Variants in OLAH observed in about 807,000 individuals in gnomAD.
The protein encoded by OLAH is oleoyl-ACP hydrolase.
OLAH carries 33 observed loss-of-function variants against 27.8 expected under a neutral mutation model. That is an observed-to-expected ratio of 1.19 (90% CI 0.90 to 1.59). OLAH has a LOEUF of 1.59. Ranked by LOEUF, OLAH falls within the 40% of genes most tolerant of loss-of-function variation. The pLI, the probability that OLAH is intolerant of heterozygous loss-of-function variation, is 0.00. For missense variants in OLAH, 359 were observed against 310.8 expected (o/e 1.16, Z -1.17); for synonymous variants, 120 against 102.9 (o/e 1.17, Z -1.01).
intron 3 of OLAH, among the ~76,000 whole-genome samples, chr10:15,052,652 TTTG>T (rs1844166936): frequency 8.2e-6 from 1 of 121,806 alleles, no homozygotes. Context: ...TGCTTCAGAT[TTTG>T]TTATCAAAGA....
chr10:15,055,691 T>G lies in OLAH; in HGVS notation c.163+5926T>G, dbSNP rs577306204. On this transcript the variant is annotated intron_variant, in intron 3 of 7. Coordinates refer to ENST00000378228, the MANE Select transcript of OLAH (RefSeq NM_001039702.3). ...TTTAAACAAGTTTTCAAATAGTAGA[T>G]CTATAAAAATGTATACCATAAACTT... Among the ~76,000 whole-genome samples the G allele has an allele frequency of 6.8e-4, 104 of 152,260 alleles. 1 individual carries two copies. The highest frequency in any genetic ancestry group is 2.4e-3 in the African/African-American group (99 of 41,550).
At chr10:15,067,815 C>G (rs1185621248) in intron 6 of OLAH, among the ~76,000 whole-genome samples, 1 of 152,164 alleles carries the variant, frequency 6.6e-6, no homozygotes. Context: ...TCTCTTTCCC[C>G]ATCACTACCA....
chr10:15,063,681 G>A (rs566683498), intron 4 of OLAH, among the ~76,000 whole-genome samples: 102 of 152,162 alleles, frequency 6.7e-4, no homozygotes, highest in African/African-American at 2.1e-3. Flanking sequence ...TATATCTGGC[G>A]ATATTTATCA....
At position 15,033,741 on chromosome 10, in the gene OLAH, C is replaced by T. The variant is rs560187727; in HGVS notation, c.-164+1391C>T. ...GGGAAGAAGGCTTTGTCTTTGTCTTCATAGGGTGGAAGAGGAAAGGGCAAA... is the reference window on the plus strand; with the variant it reads ...GGGAAGAAGGCTTTGTCTTTGTCTTTATAGGGTGGAAGAGGAAAGGGCAAA... On this transcript the variant is annotated intron_variant, in intron 1 of 3. Coordinates refer to the OLAH transcript ENST00000413672. 2.0e-5 allele frequency among the ~76,000 whole-genome samples: 3 copies of T among 152,228 alleles called. No individual in the cohort carries two copies. In the South Asian group the frequency reaches 6.2e-4, roughly 32 times the overall value.
At chr10:15,034,625 A>G (rs919599940) in intron 1 of OLAH, among the ~76,000 whole-genome samples, 4 of 152,232 alleles carry the variant, frequency 2.6e-5, no homozygotes, top group South Asian at 2.1e-4. Context: ...GAAGTGGTCT[A>G]TGGCCCAGCC....
chr10:15,032,863 A>G (rs1843780802), intron 1 of OLAH, among the ~76,000 whole-genome samples: 1 of 128,226 alleles, frequency 7.8e-6, no homozygotes, highest in South Asian at 2.9e-4. Context: ...ACACCTATCA[A>G]TAAAGAAAAG....
intron 1 of OLAH, among the ~76,000 whole-genome samples, chr10:15,037,984 C>A (rs12269074): frequency 0.26 from 39,902 of 152,184 alleles, 5,853 homozygotes; most frequent in East Asian, 0.49. Context: ...CAGGTGCTTG[C>A]GAATCTTGGG....
At chr10:15,033,937 T>C (rs1028425942) in intron 1 of OLAH, among the ~76,000 whole-genome samples, 17 of 151,632 alleles carry the variant, frequency 1.1e-4, no homozygotes, top group African/African-American at 3.9e-4. Context: ...GTTCAAACTA[T>C]AGCAGGTAGG....
chr10:15,037,203 C>T (rs1477821346), intron 1 of OLAH, among the ~76,000 whole-genome samples: 1 of 149,440 alleles, frequency 6.7e-6, no homozygotes, highest in Non-Finnish European at 1.5e-5. Flanking sequence ...ACCACTAAAA[C>T]AAGAAAACAA....
intron 3 of OLAH, among the ~76,000 whole-genome samples, chr10:15,056,022 G>A (rs563786972): frequency 1.3e-5 from 2 of 151,884 alleles, no homozygotes; most frequent in African/African-American, 2.4e-5. Context: ...GCTAATTTTT[G>A]TATTTTTAGT....
chr10:15,032,795 G>C (rs568877536), intron 1 of OLAH, among the ~76,000 whole-genome samples: 4 of 152,234 alleles, frequency 2.6e-5, no homozygotes, highest in African/African-American at 9.6e-5. Context: ...GAGAAGTGTG[G>C]TAATGAAATC....
intron 4 of OLAH, among the ~76,000 whole-genome samples, chr10:15,062,787 G>C (rs1844394248): frequency 6.7e-6 from 1 of 148,614 alleles, no homozygotes; most frequent in Non-Finnish European, 1.5e-5. Context: ...CACCCACGCT[G>C]GAGTGCAGTG....
intron 4 of OLAH, 98 bp downstream of exon 4, chr10:15,061,960 G>C: frequency 8.6e-7 from 1 of 1,166,892 alleles, no homozygotes; most frequent in Non-Finnish European, 1.2e-6. Context: ...GCATACCTTT[G>C]TATTGGTTAG....
intron 1 of OLAH, among the ~76,000 whole-genome samples, chr10:15,046,181 A>G (rs1468407563): frequency 1.3e-5 from 2 of 151,976 alleles, no homozygotes; most frequent in African/African-American, 4.8e-5. Flanking sequence ...CCCTGTCTTT[A>G]CTAAAAATAC....
At chr10:15,052,792 G>A (rs1272145219) in intron 3 of OLAH, among the ~76,000 whole-genome samples, 2 of 148,446 alleles carry the variant, frequency 1.3e-5, no homozygotes, top group South Asian at 4.2e-4. Flanking sequence ...CCCCAGGCCG[G>A]AGTGCAGTGG....
intron 4 of OLAH, 84 bp from the exon 5 acceptor site, chr10:15,064,319 A>G: frequency 1.3e-6 from 1 of 747,178 alleles, no homozygotes; most frequent in Non-Finnish European, 2.3e-6. Flanking sequence ...TGTTGTGTTT[A>G]TGATACTGTT....
At chr10:15,054,415 T>TAGAA (rs1844206396) in intron 3 of OLAH, among the ~76,000 whole-genome samples, 1 of 152,234 alleles carries the variant, frequency 6.6e-6, no homozygotes, top group African/African-American at 2.4e-5. Context: ...TTATGCCCCT[T>TAGAA]GGTCAAATTC....
intron 3 of OLAH, among the ~76,000 whole-genome samples, chr10:15,059,522 T>G (rs1042445472): frequency 1.3e-5 from 2 of 150,300 alleles, no homozygotes; most frequent in East Asian, 4.2e-4. Context: ...TGTGCTGTCA[T>G]GGCCTGGGCA....
intron 1 of OLAH, among the ~76,000 whole-genome samples, chr10:15,044,947 C>A (rs1309715316): frequency 6.6e-6 from 1 of 152,128 alleles, no homozygotes; most frequent in South Asian, 2.1e-4. Context: ...TATCTTTGGA[C>A]TAGTACTATG....
Sources: gnomAD v4.1 joint callset for allele counts (sites outside exome capture counted in the v4.1 genomes callset) on GRCh38, gnomAD v4.1.1 for gene constraint, MANE v1.5 for transcripts, NCBI Gene and HGNC (gene_info 2026-07-23, HGNC 2026-07-21) for gene names.